Variants in KIF26B observed in about 807,000 individuals in gnomAD.
KIF26B encodes the protein kinesin family member 26B, also known as kinesin-like protein KIF26B.
Under a neutral mutation model 151.2 loss-of-function variants are expected in KIF26B, and 63 were observed. That is an observed-to-expected ratio of 0.42 (90% CI 0.34 to 0.51). The LOEUF is 0.51. Ranked by LOEUF, KIF26B falls within the 20% of genes least tolerant of loss-of-function variation. The pLI is 0.07. For missense variants in KIF26B, 2,813 were observed against 2,913.6 expected (o/e 0.97, Z 0.79); for synonymous variants, 1,357 against 1,262.1 (o/e 1.08, Z -1.59).
At chr1:245,248,199 AC>A (rs1373524247) in intron 2 of KIF26B, among the ~76,000 whole-genome samples, 1 of 152,106 alleles carries the variant, frequency 6.6e-6, no homozygotes, top group African/African-American at 2.4e-5. Flanking sequence ...ATTGAGAAAG[AC>A]ACGGCGACCT....
intron 4 of KIF26B, among the ~76,000 whole-genome samples, chr1:245,444,972 A>C (rs1323729958): frequency 2.0e-5 from 3 of 152,222 alleles, no homozygotes; most frequent in African/African-American, 7.2e-5. Flanking sequence ...ATTTTAAAGA[A>C]ATGTCAACTG....
At chr1:245,551,574 A>G (rs1313961810) in intron 5 of KIF26B, among the ~76,000 whole-genome samples, 1 of 152,066 alleles carries the variant, frequency 6.6e-6, no homozygotes, top group African/African-American at 2.4e-5. Context: ...GCAAAGTAGC[A>G]CCCTACAGGG....
chr1:245,607,934 T>C (rs1238879208), intron 7 of KIF26B, among the ~76,000 whole-genome samples, 190 bp downstream of exon 7: 3 of 152,340 alleles, frequency 2.0e-5, no homozygotes, highest in East Asian at 3.9e-4. Context: ...CACCCATTCA[T>C]GTAGGAAAGC....
At chr1:245,389,998 C>T (rs1275758983) in intron 3 of KIF26B, among the ~76,000 whole-genome samples, 1 of 152,174 alleles carries the variant, frequency 6.6e-6, no homozygotes, top group African/African-American at 2.4e-5. Context: ...GAGATCGAAA[C>T]TATTTTCATG....
chr1:245,396,793 C>G (rs1673856199), intron 3 of KIF26B, among the ~76,000 whole-genome samples: 1 of 152,214 alleles, frequency 6.6e-6, no homozygotes, highest in African/African-American at 2.4e-5. Context: ...GACACAGGGA[C>G]TAACCTTGTC....
intron 4 of KIF26B, among the ~76,000 whole-genome samples, chr1:245,519,226 A>G (rs577148071): frequency 1.3e-5 from 2 of 152,196 alleles, no homozygotes; most frequent in Non-Finnish European, 2.9e-5. Flanking sequence ...AAGAAGTTTG[A>G]GTATCCAACA....
In KIF26B at chr1:245,686,246, G is replaced by A; in HGVS notation, c.3263G>A (p.Arg1088Lys). 1 of 1,612,760 alleles carries A rather than the reference G, an allele frequency of 6.2e-7. No individual in the cohort carries two copies. The highest frequency in any genetic ancestry group is 8.5e-7 in the Non-Finnish European group (1 of 1,179,882). Residue 1088 changes from arginine (R) to lysine (K), a missense_variant, in exon 12 of 15, where the codon AGA (arginine) becomes AAA (lysine). Physicochemically the swap from Arg to Lys is conservative, Grantham distance 26. Coordinates refer to ENST00000407071, the MANE Select transcript of KIF26B (RefSeq NM_018012.4). The surrounding 1 kb of genome is among the most constrained non-coding windows in gnomAD (Gnocchi z 5.6). ...EYKPPSSPSQ[R>K]CKVYTQKGVL... ...AAGCCACCCAGCTCTCCTTCCCAGA[G>A]ATGCAAAGTCTACACCCAGAAGGGG...
Position 245,593,239 on chromosome 1 carries a change from G to C in KIF26B, c.1351-9338G>C, listed in dbSNP as rs554616747. On this transcript the variant is annotated intron_variant, in intron 5 of 14. Coordinates refer to ENST00000407071, the MANE Select transcript of KIF26B (RefSeq NM_018012.4). Reference sequence around the variant, plus strand: ...TAGAATGTGCAGGTTTGTTACATAGGTATACACATGCCATGGTGGTTTGCT... The same window carrying C: ...TAGAATGTGCAGGTTTGTTACATAGCTATACACATGCCATGGTGGTTTGCT... 1.6e-4 allele frequency among the ~76,000 whole-genome samples: 24 copies of C among 152,216 alleles called. No individual in the cohort carries two copies. The East Asian group carries it at 4.4e-3, about 28-fold the overall frequency.
intron 4 of KIF26B, among the ~76,000 whole-genome samples, chr1:245,436,279 A>T (rs1387695149): frequency 6.6e-6 from 1 of 152,098 alleles, no homozygotes; most frequent in Non-Finnish European, 1.5e-5. Context: ...CTGCCAATGA[A>T]ACACTCTTTG....
At chr1:245,561,141 TAGAC>T (rs1229904541) in intron 5 of KIF26B, among the ~76,000 whole-genome samples, 2 of 152,204 alleles carry the variant, frequency 1.3e-5, no homozygotes, top group African/African-American at 4.8e-5. Flanking sequence ...CGAGGGGCAT[TAGAC>T]AGACAGGAGG....
chr1:245,675,721 T>C (rs1203652498), intron 10 of KIF26B, among the ~76,000 whole-genome samples: 1 of 152,042 alleles, frequency 6.6e-6, no homozygotes, highest in Non-Finnish European at 1.5e-5. Context: ...TTTGGGAGAT[T>C]ATTGCATTTC....
At chr1:245,349,342 A>G (rs1672518009) in intron 2 of KIF26B, among the ~76,000 whole-genome samples, 1 of 152,200 alleles carries the variant, frequency 6.6e-6, no homozygotes, top group South Asian at 2.1e-4. Context: ...TGTACCTGAA[A>G]TTGTAATAAA....
At chr1:245,200,335 G>A (rs912497936) in intron 2 of KIF26B, among the ~76,000 whole-genome samples, 1 of 152,140 alleles carries the variant, frequency 6.6e-6, no homozygotes, top group African/African-American at 2.4e-5. Flanking sequence ...CTTGTCTAGA[G>A]CTCTGATAAT....
chr1:245,667,940 GAGTGC>G lies in KIF26B; in HGVS notation c.2259-16283_2259-16279del, dbSNP rs1170151204. 1.3e-5 allele frequency among the ~76,000 whole-genome samples: 2 copies of G among 152,164 alleles called. No homozygotes were observed. The highest frequency in any genetic ancestry group is 2.9e-5 in the Non-Finnish European group (2 of 68,042). ...GAGTCTCACTCTGTCACCCAGGCTG[GAGTGC>G]AGTGCAGTGGCGCAATCTCAGCTCA... On this transcript the variant is annotated intron_variant, in intron 10 of 14. Transcript: ENST00000407071. The surrounding 1 kb of genome is among the most constrained non-coding windows in gnomAD (Gnocchi z 4.3).
chr1:245,189,437 A>G (rs1306643625), intron 2 of KIF26B, among the ~76,000 whole-genome samples: 1 of 152,244 alleles, frequency 6.6e-6, no homozygotes, highest in Admixed American at 6.5e-5. Flanking sequence ...ACTGTCATTT[A>G]AAGTTTATCT....
chr1:245,579,331 A>T (rs1176526517), intron 5 of KIF26B, among the ~76,000 whole-genome samples: 1 of 152,220 alleles, frequency 6.6e-6, no homozygotes, highest in Non-Finnish European at 1.5e-5. Context: ...ATAGCAACAA[A>T]TTAAGTTTTG....
intron 2 of KIF26B, among the ~76,000 whole-genome samples, chr1:245,278,200 A>C (rs1670972542): frequency 6.6e-6 from 1 of 152,152 alleles, no homozygotes; most frequent in Middle Eastern, 3.2e-3. Flanking sequence ...TACACCATGC[A>C]TCAATTTGAG....
At chr1:245,249,364 G>T (rs766938104) in intron 2 of KIF26B, among the ~76,000 whole-genome samples, 3 of 152,130 alleles carry the variant, frequency 2.0e-5, no homozygotes, top group African/African-American at 7.2e-5. Flanking sequence ...TTCCCAAAGT[G>T]CTGGGATTAC....
chr1:245,193,067 G>T (rs911243431), intron 2 of KIF26B, among the ~76,000 whole-genome samples: 7 of 152,114 alleles, frequency 4.6e-5, no homozygotes, highest in Non-Finnish European at 1.0e-4. Context: ...AGTAGGTCTT[G>T]GTGTCTGTTG....
Sources: gnomAD v4.1 joint callset for allele counts (sites outside exome capture counted in the v4.1 genomes callset) on GRCh38, gnomAD v4.1.1 for gene constraint, Gnocchi (gnomAD v3.1) non-coding constraint, MANE v1.5 for transcripts, NCBI Gene and HGNC (gene_info 2026-07-23, HGNC 2026-07-21) for gene names.